PKD1L1: variants seen among roughly 807,000 people sequenced by gnomAD.
The protein encoded by PKD1L1 is polycystin-1-like protein 1.
In PKD1L1, 236 loss-of-function variants were observed where a neutral mutation model predicts 323.4. That is an observed-to-expected ratio of 0.73 (90% CI 0.66 to 0.81). The LOEUF (loss-of-function observed/expected upper bound fraction) is 0.81, where lower values mean the gene tolerates loss of function less well. Among genes scored for constraint, PKD1L1 ranks in the 40% least tolerant of loss-of-function variants. The probability of loss-of-function intolerance (pLI) is 0.00; values close to 1 mark genes in which losing one functional copy is unlikely to be tolerated. For synonymous variants in PKD1L1, 1,344 were observed against 1,335.0 expected (o/e 1.01, Z -0.15); for missense variants, 3,320 against 3,508.0 (o/e 0.95, Z 1.35).
At chr7:47,862,692 A>G (rs1786059393) in intron 26 of PKD1L1, among the ~76,000 whole-genome samples, 1 of 152,194 alleles carries the variant, frequency 6.6e-6, no homozygotes, top group Non-Finnish European at 1.5e-5. Context: ...ATTTGTGCTG[A>G]GTCAATGAAG....
chr7:47,881,754 G>T (rs186781460), intron 20 of PKD1L1, among the ~76,000 whole-genome samples, 155 bp downstream of exon 20: 1 of 152,190 alleles, frequency 6.6e-6, no homozygotes, highest in East Asian at 1.9e-4. Flanking sequence ...AAGAGTCTCA[G>T]GCCATAGTCC....
At chr7:47,853,388 A>C (rs545599062) in intron 30 of PKD1L1, among the ~76,000 whole-genome samples, 161 bp from the exon 31 acceptor site, 11 of 152,278 alleles carry the variant, frequency 7.2e-5, no homozygotes, top group South Asian at 6.2e-4. Context: ...TAATTCCACA[A>C]CACCACCTGG....
At chr7:47,959,565 G>A in the PKD1L1 span, among the ~76,000 whole-genome samples, 5 of 144,560 alleles carry the variant, frequency 3.5e-5, no homozygotes, top group Admixed American at 6.9e-5. Context: ...CGTCTGAGAA[G>A]TGAGGAGACC....
chr7:47,827,234 C>T, intron 45 of PKD1L1, 116 bp downstream of exon 45: 1 of 923,408 alleles, frequency 1.1e-6, no homozygotes, highest in South Asian at 1.9e-5. Flanking sequence ...GTCCCCACCT[C>T]CACTCCCCAC....
chr7:47,940,200 C>T lies in PKD1L1; in HGVS notation c.278G>A (p.Arg93Lys), dbSNP rs1583691729. The T allele has an allele frequency of 6.2e-7, 1 of 1,614,170 alleles. No individual in the cohort carries two copies. Among genetic ancestry groups the T allele is most frequent in the East Asian group, 2.2e-5 (1 of 44,880 alleles). ...ESQSPSSSASRQKNIWKTTSE... is the reference protein window; with the variant it reads ...ESQSPSSSASKQKNIWKTTSE... ...CCCCAGATCCAGGAATACCTTCTGCCTGGAAGCTGATGAGGATGGGCTCTG... is the reference window on the plus strand; with the variant it reads ...CCCCAGATCCAGGAATACCTTCTGCTTGGAAGCTGATGAGGATGGGCTCTG... The change falls in exon 3 of 57, where the codon AGG becomes AAG. Residue 93 changes from arginine to lysine, a missense_variant. Arg to Lys is a conservative substitution (Grantham distance 26). Transcript: ENST00000289672.
At position 47,915,461 on chromosome 7, in the gene PKD1L1, C is replaced by A. The variant is rs1318609373; in HGVS notation, c.1199G>T (p.Gly400Val). Residue 400 changes from glycine to valine, a missense_variant, in exon 8 of 57, where the codon GGA becomes GTA. Physicochemically the swap from Gly to Val is moderately radical, Grantham distance 109. Transcript: ENST00000289672. ...CLEDSDPSNLGYELISAFVTK... is the reference protein window; with the variant it reads ...CLEDSDPSNLVYELISAFVTK... ...GACAAAGGCAGAAATAAGCTCATAT[C>A]CAAGGTTACTGGGGTCTGAGTCTTC... 1 of 1,060,444 alleles carries A rather than the reference C, an allele frequency of 9.4e-7. No individual in the cohort carries two copies. The highest frequency in any genetic ancestry group is 1.5e-6 in the Non-Finnish European group (1 of 674,312). The allele number at this position is 1,060,444 out of a possible 1,614,324, so 65.7% of individuals were successfully genotyped here.
At chr7:47,910,864 T>TG (rs1554411360) in intron 8 of PKD1L1, among the ~76,000 whole-genome samples, 1 of 41,666 alleles carries the variant, frequency 2.4e-5, no homozygotes, top group African/African-American at 1.8e-4. Context: ...GTGTGTGTAT[T>TG]TTTAGTAGAG....
At chr7:47,855,370 A>AAATT (rs1306762007) in intron 28 of PKD1L1, 105 bp from the exon 29 acceptor site, 1 of 707,362 alleles carries the variant, frequency 1.4e-6, no homozygotes, top group African/African-American at 1.8e-5. Flanking sequence ...CACTTACATA[A>AAATT]AATTATATGC....
At chr7:47,802,483 G>A (rs1451943443) in intron 53 of PKD1L1, among the ~76,000 whole-genome samples, 2 of 152,126 alleles carry the variant, frequency 1.3e-5, no homozygotes, top group Non-Finnish European at 2.9e-5. Flanking sequence ...AGGTGAATAG[G>A]GCTTGCAGAA....
chr7:47,802,457 A>G (rs1384568815), intron 53 of PKD1L1, among the ~76,000 whole-genome samples: 1 of 152,106 alleles, frequency 6.6e-6, no homozygotes, highest in Non-Finnish European at 1.5e-5. Context: ...TTTGCTCAGC[A>G]TGTTCCTCCA....
At chr7:47,927,103 A>C (rs765369950) in intron 7 of PKD1L1, among the ~76,000 whole-genome samples, 2 of 152,202 alleles carry the variant, frequency 1.3e-5, no homozygotes, top group Admixed American at 1.3e-4. Flanking sequence ...GAATTGTTCC[A>C]TAAACTCAGA....
rs763991880 is a variant in PKD1L1 at position 47,877,645 on chromosome 7, T to A, written c.3521-14A>T. On this transcript the variant is annotated splice_polypyrimidine_tract_variant and intron_variant, in intron 21 of 56. Transcript: ENST00000289672. ...CATGCTTCGAAGCTAAAGAGAAAGA[T>A]GAAGCAGCGGTTTCACCCATGATGG... 16 of 1,612,474 alleles carry A rather than the reference T, an allele frequency of 9.9e-6. No individual in the cohort carries two copies. Among genetic ancestry groups the A allele is most frequent in the Non-Finnish European group, 1.4e-5 (16 of 1,179,116 alleles).
Position 47,845,014 on chromosome 7 carries a change from C to T in PKD1L1, c.5218G>A (p.Asp1740Asn), listed in dbSNP as rs1231040626. The stretch of plus-strand genomic sequence containing the variant: ...ACTTACCTCTGTAGCTTGGAAATGT[C>T]ACTCACTTCAAAACTGGCCTTCAGC... The part of the protein sequence containing the change: ...RKLKASFEVS[D>N]ISKLQSHPEN... Residue 1740 changes from aspartate to asparagine, a missense_variant, in exon 33 of 57, where the codon GAC (aspartate) becomes AAC (asparagine). By Grantham distance (23) the Asp-to-Asn change is conservative (BLOSUM62 1). Coordinates refer to ENST00000289672, the MANE Select transcript of PKD1L1 (RefSeq NM_138295.5). The T allele has an allele frequency of 6.2e-7, 1 of 1,613,768 alleles. No homozygotes were observed.
chr7:47,838,590 C>A (rs1169569252), intron 36 of PKD1L1, among the ~76,000 whole-genome samples: 1 of 152,084 alleles, frequency 6.6e-6, no homozygotes, highest in East Asian at 1.9e-4. Flanking sequence ...TAAGAAAGTG[C>A]AAAATGCAGC....
At chr7:47,841,542 A>G (rs1268157722) in intron 34 of PKD1L1, among the ~76,000 whole-genome samples, 1 of 152,226 alleles carries the variant, frequency 6.6e-6, no homozygotes, top group Non-Finnish European at 1.5e-5. Context: ...AATAGATTTA[A>G]TTGGATTTAA....
intron 25 of PKD1L1, 104 bp downstream of exon 25, chr7:47,866,314 CT>C (rs1786167654): frequency 3.2e-6 from 4 of 1,243,186 alleles, no homozygotes; most frequent in Non-Finnish European, 3.3e-6. Flanking sequence ...CATTTCTTGC[CT>C]GTGTTTCATA....
At position 47,870,376 on chromosome 7, in the gene PKD1L1, AAG is replaced by A. The variant is rs1490356227; in HGVS notation, c.3896+3521_3896+3522del. 5.2e-5 allele frequency among the ~76,000 whole-genome samples: 7 copies of A among 134,070 alleles called. No homozygotes were observed. In the East Asian group the frequency reaches 1.4e-3, roughly 26 times the overall value. The allele number at this position is 134,070 out of a possible 152,430, so 88.0% of individuals were successfully genotyped here. A position where few individuals can be genotyped will look rare whatever the true frequency, so the allele number is the denominator to read the frequency against. On this transcript the variant is annotated intron_variant, in intron 24 of 56. Transcript: ENST00000289672. ...TTAGCTAGACTGACAGACAAAAAAT[AAG>A]AGAGGGAAAAAGAGATGACTTAAAT...
intron 33 of PKD1L1, among the ~76,000 whole-genome samples, chr7:47,843,813 G>A (rs1425890359): frequency 6.6e-6 from 1 of 152,178 alleles, no homozygotes; most frequent in Non-Finnish European, 1.5e-5. Flanking sequence ...TTTGTGATGG[G>A]ATCTCAGAGG....
At chr7:47,942,567 T>C (rs1470540127) in intron 2 of PKD1L1, among the ~76,000 whole-genome samples, 1 of 152,036 alleles carries the variant, frequency 6.6e-6, no homozygotes, top group Non-Finnish European at 1.5e-5. Flanking sequence ...ACTCAAAAAT[T>C]CCTTCTACTT....
Sources: allele counts gnomAD v4.1 joint callset (sites outside exome capture counted in the v4.1 genomes callset), GRCh38; gene constraint gnomAD v4.1.1; transcripts MANE v1.5; gene names NCBI Gene and HGNC (gene_info 2026-07-23, HGNC 2026-07-21).